Variants in ATP2B3 observed in about 807,000 individuals in gnomAD.
ATP2B3 encodes the protein plasma membrane calcium-transporting ATPase 3.
A neutral mutation model predicts 70.8 loss-of-function variants in ATP2B3; 12 were observed. The ratio of observed to expected loss-of-function variants is 0.17; its 90% CI spans 0.11 to 0.27. The LOEUF is 0.27. Among genes scored for constraint, ATP2B3 ranks in the 10% least tolerant of loss-of-function variants. The pLI, the probability that ATP2B3 is intolerant of heterozygous loss-of-function variation, is 1.00. For missense variants in ATP2B3, 858 were observed against 1,118.5 expected (o/e 0.77, Z 3.32); for synonymous variants, 460 against 497.8 (o/e 0.92, Z 1.01).
chrX:153,566,513 A>C (rs1337872259), intron 21 of ATP2B3, among the ~76,000 whole-genome samples: 1 of 111,705 alleles, frequency 9.0e-6, no homozygotes. Flanking sequence ...CAGTGGTCTC[A>C]AGGGCCGAGT....
intron 21 of ATP2B3, chrX:153,569,500 C>A: frequency 1.1e-6 from 1 of 952,367 alleles, no homozygotes; most frequent in Non-Finnish European, 1.5e-6. Flanking sequence ...TTTGCTGTCA[C>A]CCTATGTGCC....
intron 2 of ATP2B3, chrX:153,532,945 C>G (rs1046285930): frequency 8.9e-6 from 1 of 112,091 alleles, no homozygotes; most frequent in Non-Finnish European, 1.9e-5. Context: ...AGCCAACAGT[C>G]GCTCTAAATG....
intron 20 of ATP2B3, among the ~76,000 whole-genome samples, chrX:153,562,565 A>C (rs921726129): frequency 1.8e-5 from 2 of 112,125 alleles, no homozygotes; most frequent in African/African-American, 6.5e-5. Context: ...TCAATCAAAC[A>C]GCACCCTGAT....
intron 2 of ATP2B3, among the ~76,000 whole-genome samples, chrX:153,529,664 G>A (rs932130270): frequency 8.9e-6 from 1 of 112,232 alleles, no homozygotes; most frequent in South Asian, 3.7e-4. Context: ...CCATCCAGCC[G>A]CAGAACTTGT....
At chrX:153,530,151 C>T (rs781921537) in intron 2 of ATP2B3, among the ~76,000 whole-genome samples, 11 of 112,627 alleles carry the variant, frequency 9.8e-5, no homozygotes, top group Non-Finnish European at 1.9e-4. Flanking sequence ...CATTCTATGG[C>T]GGTGCTTGTT....
intron 16 of ATP2B3, 149 bp from the exon 17 acceptor site, chrX:153,557,963 C>A: frequency 1.6e-5 from 6 of 387,006 alleles, no homozygotes; most frequent in Non-Finnish European, 2.0e-5. Context: ...CAACAAAAAA[C>A]AGTGCTGTTC....
intron 3 of ATP2B3, among the ~76,000 whole-genome samples, chrX:153,537,061 G>C (rs1886644780): frequency 1.8e-5 from 2 of 112,901 alleles, no homozygotes; most frequent in African/African-American, 6.4e-5. Context: ...GCCCAGGGTA[G>C]TGTCGGTCTC....
At position 153,530,911 on chromosome X, in the gene ATP2B3, G is replaced by GAGCCGTGAGGGCCC. The variant is rs2090107227; in HGVS notation, c.-126-5208_-126-5195dup. ...CCTCCTCCCTCCACCAGCACAAGTGGAGCCGTGAGGGCCCAGGAGCTGCAG... is the reference window on the plus strand; with the variant it reads ...CCTCCTCCCTCCACCAGCACAAGTGGAGCCGTGAGGGCCCAGCCGTGAGGGCCCAGGAGCTGCAG... On this transcript the variant is annotated intron_variant, in intron 2 of 21. Coordinates refer to ENST00000263519, the MANE Select transcript of ATP2B3 (RefSeq NM_001001344.3). Among the ~76,000 whole-genome samples the GAGCCGTGAGGGCCC allele has an allele frequency of 3.6e-5, 4 of 112,556 alleles. No homozygotes were observed. The South Asian group carries it at 1.5e-3, about 41-fold the overall frequency.
rs781967149 is a variant in ATP2B3 at position 153,548,936 on chromosome X, T to C, written c.1338+82T>C. The C allele has an allele frequency of 4.0e-5, 39 of 973,456 alleles. No individual in the cohort carries two copies. The Admixed American group carries it at 9.8e-4, about 25-fold the overall frequency. 80.2% of individuals were successfully genotyped at this position (973,456 alleles called of 1,213,427 possible). A position where few individuals can be genotyped will look rare whatever the true frequency, so the allele number is the denominator to read the frequency against. On this transcript the variant is annotated intron_variant, in intron 10 of 21. Coordinates refer to ENST00000263519, the MANE Select transcript of ATP2B3 (RefSeq NM_001001344.3). ...GTCATTGGGCGCCTTGGTGGCAGTA[T>C]AAACTGGGGACGTTTGGGATAGCTC...
rs1557010556 is a variant in ATP2B3 at position 153,549,692 on chromosome X, C to A, written c.1534C>A (p.Leu512Met). The change falls in exon 11 of 22, where the codon CTG (leucine) becomes ATG (methionine). Residue 512 changes from leucine to methionine, a missense_variant. Leu to Met is a conservative substitution (Grantham distance 15). Transcript: ENST00000263519. ...SALTPKILDL[L>M]VHAISINSAY... ...CCTGACCCCTAAGATCCTCGACCTC[C>A]TGGTCCATGCCATCTCCATCAACAG... 8.2e-7 allele frequency: 1 copy of A among 1,212,256 alleles called. No individual in the cohort carries two copies. The highest frequency in any genetic ancestry group is 1.1e-6 in the Non-Finnish European group (1 of 895,605).
chrX:153,538,470 C>T (rs1557005085), intron 3 of ATP2B3, among the ~76,000 whole-genome samples: 1 of 113,119 alleles, frequency 8.8e-6, no homozygotes, highest in Non-Finnish European at 1.9e-5. Context: ...CTGGAAACCG[C>T]GCTGCTGTTG....
In ATP2B3 at chrX:153,560,900, G is replaced by T; in HGVS notation, c.3051+13G>T. The T allele has an allele frequency of 8.3e-7, 1 of 1,210,425 alleles. No homozygotes were observed. The highest frequency in any genetic ancestry group is 1.1e-6 in the Non-Finnish European group (1 of 894,457). ...TTTCGGGATTCAGGTAGGAGGGGCG[G>T]CTCCACTCTTGGCCTCTGCCACTTG... On this transcript the variant is annotated intron_variant, in intron 19 of 21. Transcript: ENST00000263519.
Position 153,565,473 on chromosome X carries a change from C to A in ATP2B3, c.3342+370C>A, listed in dbSNP as rs781911294. On this transcript the variant is annotated intron_variant, in intron 21 of 21. Transcript: ENST00000263519. ...CCAGGTCATAGGCAAGTGACAGTAT[C>A]GGGAAGAGAGGCCCATTTCAAACAG... Among the ~76,000 whole-genome samples the A allele has an allele frequency of 3.5e-5, 4 of 112,860 alleles. No individual in the cohort carries two copies. In the South Asian group the frequency reaches 1.5e-3, roughly 41 times the overall value.
chrX:153,518,172 C>T (rs1214540416), intron 1 of ATP2B3, among the ~76,000 whole-genome samples: 1 of 112,849 alleles, frequency 8.9e-6, no homozygotes, highest in Non-Finnish European at 1.9e-5. Context: ...CCCTTGGGGG[C>T]TGCGGGCCGG....
intron 21 of ATP2B3, among the ~76,000 whole-genome samples, chrX:153,573,128 G>T (rs1557020393): frequency 8.9e-6 from 1 of 112,613 alleles, no homozygotes. Context: ...CATGAGTCTG[G>T]TCCCATGTGG....
At chrX:153,553,576 G>A (rs1429120630) in intron 13 of ATP2B3, among the ~76,000 whole-genome samples, 2 of 112,367 alleles carry the variant, frequency 1.8e-5, no homozygotes, top group African/African-American at 6.5e-5. Context: ...TGGACTGGAG[G>A]TGGTGCTGAA....
rs181780122 is a variant in ATP2B3 at position 153,570,418 on chromosome X, C to T, written c.3342+5315C>T. 3.5e-4 allele frequency among the ~76,000 whole-genome samples: 39 copies of T among 112,809 alleles called. No homozygotes were observed. The East Asian group carries it at 7.5e-3, about 22-fold the overall frequency. On this transcript the variant is annotated intron_variant, in intron 21 of 21. Coordinates refer to ENST00000263519, the MANE Select transcript of ATP2B3 (RefSeq NM_001001344.3). Reference sequence around the variant, plus strand: ...GTTAGAGGTTTCCCCAGAACTGGCACTCAGAGGCCTCTTCAAGACGTTGCC... The same window carrying T: ...GTTAGAGGTTTCCCCAGAACTGGCATTCAGAGGCCTCTTCAAGACGTTGCC...
chrX:153,569,193 C>G, intron 21 of ATP2B3: 1 of 397,253 alleles, frequency 2.5e-6, no homozygotes, highest in Admixed American at 2.5e-5. Flanking sequence ...ATAAGTCCTC[C>G]GGGTTTAGAG....
intron 13 of ATP2B3, among the ~76,000 whole-genome samples, chrX:153,555,597 G>T (rs2090522180): frequency 8.9e-6 from 1 of 111,874 alleles, no homozygotes; most frequent in Admixed American, 9.4e-5. Context: ...CTGGGACAAT[G>T]CCACCACCTC....
Sources: gnomAD v4.1 joint callset for allele counts (sites outside exome capture counted in the v4.1 genomes callset) on GRCh38, gnomAD v4.1.1 for gene constraint, MANE v1.5 for transcripts, NCBI Gene and HGNC (gene_info 2026-07-23, HGNC 2026-07-21) for gene names.